NRXN3: variants seen among roughly 807,000 people sequenced by gnomAD.
NRXN3 encodes neurexin III.
Under a neutral mutation model 137.6 loss-of-function variants are expected in NRXN3, and 32 were observed. That is an observed-to-expected ratio of 0.23 (90% CI 0.18 to 0.31). NRXN3 has a LOEUF of 0.31. NRXN3 is among the 10% of genes least tolerant of loss of function. The pLI is 1.00. For synonymous variants in NRXN3, 798 were observed against 784.5 expected (o/e 1.02, Z -0.29); for missense variants, 1,574 against 2,062.5 (o/e 0.76, Z 4.59).
chr14:79,379,081 G>T (rs1436650161), intron 15 of NRXN3, among the ~76,000 whole-genome samples: 4 of 152,102 alleles, frequency 2.6e-5, no homozygotes, highest in Non-Finnish European at 4.4e-5. Context: ...GTATTCAACT[G>T]CAGGCCTTCT....
intron 16 of NRXN3, among the ~76,000 whole-genome samples, chr14:79,610,710 A>G (rs1342967016): frequency 6.6e-6 from 1 of 152,236 alleles, no homozygotes; most frequent in Admixed American, 6.5e-5. Flanking sequence ...CCAAAGACTC[A>G]TGCCCTTTTT....
intron 15 of NRXN3, among the ~76,000 whole-genome samples, chr14:79,380,357 C>T (rs1397704690): frequency 1.3e-5 from 2 of 151,214 alleles, no homozygotes; most frequent in Non-Finnish European, 2.9e-5. Flanking sequence ...TTCCCCCCAC[C>T]CCACAACAGT....
intron 4 of NRXN3, among the ~76,000 whole-genome samples, chr14:78,363,624 C>G (rs905775540): frequency 6.6e-6 from 1 of 152,198 alleles, no homozygotes; most frequent in East Asian, 1.9e-4. Flanking sequence ...GTGCTCCACT[C>G]AGGTCTTTCC....
chr14:79,759,537 A>C (rs1053613624), intron 19 of NRXN3, among the ~76,000 whole-genome samples: 1 of 151,662 alleles, frequency 6.6e-6, no homozygotes, highest in East Asian at 1.9e-4. Flanking sequence ...AGGAGAGCAA[A>C]TTCCTCCTAG....
chr14:78,392,310 C>T (rs1310604007), intron 4 of NRXN3, among the ~76,000 whole-genome samples: 1 of 152,188 alleles, frequency 6.6e-6, no homozygotes, highest in South Asian at 2.1e-4. Flanking sequence ...CTCTGACACT[C>T]ACTGTTATTG....
chr14:79,105,165 G>A (rs1596001561), intron 15 of NRXN3, among the ~76,000 whole-genome samples: 1 of 152,172 alleles, frequency 6.6e-6, no homozygotes, highest in East Asian at 1.9e-4. Flanking sequence ...TGAAAAGAAT[G>A]ACTTGATCAT....
chr14:79,568,980 C>T (rs1184729146), intron 16 of NRXN3, among the ~76,000 whole-genome samples: 1 of 151,920 alleles, frequency 6.6e-6, no homozygotes, highest in East Asian at 1.9e-4. Context: ...ACTATAATTG[C>T]TATGTTGATG....
chr14:79,494,973 C>T (rs1023057000), intron 16 of NRXN3, among the ~76,000 whole-genome samples: 5 of 152,168 alleles, frequency 3.3e-5, no homozygotes, highest in East Asian at 3.8e-4. Context: ...ATTATCTAAA[C>T]GTATATTTGT....
chr14:79,429,129 G>C (rs2095704236), intron 15 of NRXN3, among the ~76,000 whole-genome samples: 1 of 152,106 alleles, frequency 6.6e-6, no homozygotes, highest in Non-Finnish European at 1.5e-5. Context: ...TGAAATCACA[G>C]AATTTGATAA....
intron 16 of NRXN3, among the ~76,000 whole-genome samples, chr14:79,659,072 T>C (rs562765089): frequency 9.9e-5 from 15 of 152,186 alleles, no homozygotes; most frequent in South Asian, 2.1e-4. Context: ...GTGTGACTGA[T>C]TGAGGATAGG....
chr14:78,947,906 CTTTA>C (rs1405640961), intron 10 of NRXN3, among the ~76,000 whole-genome samples: 2 of 152,164 alleles, frequency 1.3e-5, no homozygotes, highest in Non-Finnish European at 2.9e-5. Flanking sequence ...AGACTGGATT[CTTTA>C]TTTAATTTCA....
intron 4 of NRXN3, among the ~76,000 whole-genome samples, chr14:78,478,750 A>G (rs1599202248): frequency 6.6e-6 from 1 of 152,172 alleles, no homozygotes; most frequent in Admixed American, 6.6e-5. Flanking sequence ...GGCAGACTGG[A>G]AAAAGAAGAC....
At chr14:78,441,996 T>C (rs1372080986) in intron 4 of NRXN3, among the ~76,000 whole-genome samples, 1 of 151,322 alleles carries the variant, frequency 6.6e-6, no homozygotes, top group Non-Finnish European at 1.5e-5. Context: ...CTCGGGAGGC[T>C]GAGGCAGGAG....
intron 15 of NRXN3, among the ~76,000 whole-genome samples, chr14:79,393,108 G>C (rs1168159843): frequency 6.6e-6 from 1 of 151,992 alleles, no homozygotes; most frequent in Non-Finnish European, 1.5e-5. Context: ...TCTTTTTACG[G>C]TCTGAGTAAT....
chr14:79,547,830 A>C (rs1198837083), intron 16 of NRXN3, among the ~76,000 whole-genome samples: 1 of 152,186 alleles, frequency 6.6e-6, no homozygotes, highest in Admixed American at 6.5e-5. Flanking sequence ...AATTGGAAAG[A>C]GTCTTTGATG....
intron 4 of NRXN3, among the ~76,000 whole-genome samples, chr14:78,543,574 A>G (rs1234022119): frequency 1.3e-5 from 2 of 152,094 alleles, no homozygotes; most frequent in Admixed American, 6.6e-5. Context: ...GTGGAGGTAC[A>G]GGGAGGTTGG....
At chr14:78,853,258 C>A (rs888985236) in intron 10 of NRXN3, among the ~76,000 whole-genome samples, 6 of 152,154 alleles carry the variant, frequency 3.9e-5, no homozygotes, top group African/African-American at 1.2e-4. Context: ...TGATGTTCCC[C>A]TTCCTCTGTC....
chr14:78,289,698 G>A (rs1205644009), intron 3 of NRXN3, among the ~76,000 whole-genome samples: 7 of 151,886 alleles, frequency 4.6e-5, no homozygotes, highest in Admixed American at 6.6e-5. Flanking sequence ...GGCAGATCAC[G>A]AGGTCAAGAG....
At chr14:79,279,520 G>A (rs2080901762) in intron 15 of NRXN3, 2 of 985,906 alleles carry the variant, frequency 2.0e-6, no homozygotes, top group Non-Finnish European at 2.4e-6. Flanking sequence ...CCCGTGCCAC[G>A]TTGGTTTGGG....
Sources: gnomAD v4.1 joint callset for allele counts (sites outside exome capture counted in the v4.1 genomes callset) on GRCh38, gnomAD v4.1.1 for gene constraint, MANE v1.5 for transcripts, NCBI Gene and HGNC (gene_info 2026-07-23, HGNC 2026-07-21) for gene names.